Variants in CFH observed in about 807,000 individuals in gnomAD.
CFH encodes H factor 1 (complement).
In CFH, 53 loss-of-function variants were observed where a neutral mutation model predicts 147.3. The observed-to-expected ratio is 0.36, with a 90% CI of 0.29 to 0.45. The LOEUF is 0.45. CFH is among the 20% of genes least tolerant of loss of function. The pLI, the probability that CFH is intolerant of heterozygous loss-of-function variation, is 1.00. For synonymous variants in CFH, 536 were observed against 489.4 expected (o/e 1.10, Z -1.26); for missense variants, 1,380 against 1,498.0 (o/e 0.92, Z 1.30).
chr1:196,740,265 C>T (rs1652766494), intron 17 of CFH, among the ~76,000 whole-genome samples: 1 of 152,210 alleles, frequency 6.6e-6, no homozygotes, highest in Non-Finnish European at 1.5e-5. Context: ...ATTCTTCCCA[C>T]AATGCCCCTT....
chr1:196,679,524 A>G, intron 5 of CFH, 99 bp from the exon 6 acceptor site: 3 of 893,530 alleles, frequency 3.4e-6, no homozygotes, highest in African/African-American at 3.3e-5. Context: ...TGACTGATTT[A>G]CCTGATGGAA....
intron 9 of CFH, 22 bp downstream of exon 9, chr1:196,690,261 C>T (rs1667980256): frequency 6.2e-7 from 1 of 1,612,430 alleles, no homozygotes; most frequent in Admixed American, 1.7e-5. Context: ...ACTCTGAAAT[C>T]CTAGCATGTT....
chr1:196,742,451 A>G (rs976181814), intron 19 of CFH, among the ~76,000 whole-genome samples: 1 of 152,200 alleles, frequency 6.6e-6, no homozygotes, highest in African/African-American at 2.4e-5. Context: ...GGAATAAAAT[A>G]TAGAATTGTC....
intron 5 of CFH, chr1:196,678,657 G>A (rs1667539697): frequency 1.3e-5 from 2 of 151,938 alleles, no homozygotes; most frequent in African/African-American, 2.4e-5. Flanking sequence ...CCTGTGGTTA[G>A]TGAAAACTTC....
At chr1:196,681,496 A>C (rs552156539) in intron 6 of CFH, among the ~76,000 whole-genome samples, 7 of 149,736 alleles carry the variant, frequency 4.7e-5, no homozygotes, top group Admixed American at 6.7e-5. Context: ...ACACACACAC[A>C]CCCCTCAAAG....
intron 1 of CFH, among the ~76,000 whole-genome samples, chr1:196,665,037 A>G (rs1054243516): frequency 6.6e-6 from 1 of 151,598 alleles, no homozygotes; most frequent in African/African-American, 2.4e-5. Flanking sequence ...TTTTTGTGTT[A>G]AAATTGGTCA....
At position 196,659,845 on chromosome 1, in the gene CFH, A is replaced by C. The variant is rs1666844225; in HGVS notation, c.58+7670A>C. Among the ~76,000 whole-genome samples the C allele has an allele frequency of 1.3e-5, 2 of 152,330 alleles. 1 individual carries two copies. Among genetic ancestry groups the C allele is most frequent in the South Asian group, 4.1e-4 (2 of 4,830 alleles). ...TAATACTCAATACAATAATGGTTAG[A>C]ACAAAAGCAGACAGGAAAGTGTATC... On this transcript the variant is annotated intron_variant, in intron 1 of 21. Transcript: ENST00000367429.
intron 9 of CFH, among the ~76,000 whole-genome samples, chr1:196,707,057 G>T (rs1037651229): frequency 1.3e-5 from 2 of 152,076 alleles, no homozygotes; most frequent in Admixed American, 6.6e-5. Context: ...AATTTCTGTA[G>T]CCTAGGACAC....
rs754615067 is a variant in CFH, at chr1:196,672,938, T to C, written c.59-40T>C. The C allele has an allele frequency of 3.6e-5, 56 of 1,540,874 alleles. 2 individuals carry two copies. The highest frequency in any genetic ancestry group is 2.1e-4 in the South Asian group (19 of 88,608). ...TACCTAAATATACTGTACATTTAAATAGACACTTTATGCACTTATTTTGTT... is the reference window on the plus strand; with the variant it reads ...TACCTAAATATACTGTACATTTAAACAGACACTTTATGCACTTATTTTGTT... On this transcript the variant is annotated intron_variant, in intron 1 of 21. Coordinates refer to ENST00000367429, the MANE Select transcript of CFH (RefSeq NM_000186.4).
intron 11 of CFH, among the ~76,000 whole-genome samples, chr1:196,716,581 G>T (rs1668874906): frequency 6.6e-6 from 1 of 152,108 alleles, no homozygotes. Context: ...TCCAGGTAGG[G>T]TGAGAAAGTG....
chr1:196,737,442 T>G (rs1446259780), intron 16 of CFH, 33 bp from the exon 17 acceptor site: 1 of 1,467,382 alleles, frequency 6.8e-7, no homozygotes, highest in Non-Finnish European at 9.5e-7. Context: ...ATTTTATTTG[T>G]TTTTAACCCT....
intron 11 of CFH, 51 bp downstream of exon 11, chr1:196,715,820 T>C: frequency 6.6e-7 from 1 of 1,509,356 alleles, no homozygotes; most frequent in Non-Finnish European, 9.1e-7. Flanking sequence ...ATAAATCTGT[T>C]TTCCAATTTT....
At chr1:196,675,241 C>G (rs557948108) in intron 3 of CFH, among the ~76,000 whole-genome samples, 1 of 152,184 alleles carries the variant, frequency 6.6e-6, no homozygotes, top group South Asian at 2.1e-4. Context: ...AACTCATATT[C>G]AAGTAGAGCA....
intron 1 of CFH, among the ~76,000 whole-genome samples, chr1:196,656,713 G>C (rs1178251352): frequency 2.2e-5 from 3 of 133,986 alleles, no homozygotes; most frequent in Non-Finnish European, 4.5e-5. Context: ...TCTATTTTCA[G>C]GGTCCTAATT....
chr1:196,731,913 C>T (rs1669288807), intron 15 of CFH, among the ~76,000 whole-genome samples: 1 of 151,864 alleles, frequency 6.6e-6, no homozygotes, highest in African/African-American at 2.4e-5. Flanking sequence ...TGGCTTTTTT[C>T]AATACTTGGT....
intron 1 of CFH, among the ~76,000 whole-genome samples, chr1:196,653,715 A>G (rs1339168219): frequency 6.6e-6 from 1 of 152,078 alleles, no homozygotes; most frequent in Non-Finnish European, 1.5e-5. Context: ...TATTTACATA[A>G]TTGATTATTG....
At chr1:196,710,371 C>G (rs1036095810) in intron 9 of CFH, among the ~76,000 whole-genome samples, 15 of 152,092 alleles carry the variant, frequency 9.9e-5, no homozygotes, top group Non-Finnish European at 1.5e-5. Context: ...ACCTGATAGT[C>G]TTATAACAAA....
Position 196,673,133 on chromosome 1 carries a change from G to C in CFH, c.214G>C (p.Val72Leu), listed in dbSNP as rs766241195. Reference protein sequence around the residue: ...VIMVCRKGEWVALNPLRKCQK... With the variant: ...VIMVCRKGEWLALNPLRKCQK... The stretch of plus-strand genomic sequence containing the variant: ...AATGGTATGCAGGAAGGGAGAATGG[G>C]TTGCTCTTAATCCATTAAGGAAATG... The change falls in exon 2 of 22, where the codon GTT becomes CTT. Residue 72 changes from valine (V) to leucine (L), a missense_variant. By Grantham distance (32) the Val-to-Leu change is conservative. This residue lies in a region of CFH where 260 missense variants were observed against 263.3 expected (regional missense o/e 0.99). Transcript: ENST00000367429. 27 of 1,613,470 alleles carry C rather than the reference G, an allele frequency of 1.7e-5. No homozygotes were observed. The South Asian group carries it at 3.0e-4, about 18-fold the overall frequency.
chr1:196,653,657 G>A (rs1387330730), intron 1 of CFH, among the ~76,000 whole-genome samples: 1 of 151,942 alleles, frequency 6.6e-6, no homozygotes, highest in African/African-American at 2.4e-5. Flanking sequence ...TTAAAATAGA[G>A]TACATCAAAG....
Sources: allele counts gnomAD v4.1 joint callset (sites outside exome capture counted in the v4.1 genomes callset), GRCh38; gene constraint gnomAD v4.1.1; regional missense constraint gnomAD v4.1.1; transcripts MANE v1.5; gene names NCBI Gene and HGNC (gene_info 2026-07-23, HGNC 2026-07-21).